Variants in UST observed in about 807,000 individuals in gnomAD.
The protein encoded by UST is uronyl 2-sulfotransferase.
A neutral mutation model predicts 45.6 loss-of-function variants in UST; 21 were observed. The observed-to-expected ratio is 0.46, with a 90% confidence interval of 0.33 to 0.66. The LOEUF is 0.66. Among genes scored for constraint, UST ranks in the 30% least tolerant of loss-of-function variants. The pLI is 0.02. For missense variants in UST, 463 were observed against 512.4 expected (o/e 0.90, Z 0.93); for synonymous variants, 215 against 200.6 (o/e 1.07, Z -0.61).
At chr6:149,061,885 T>C (rs146665859) in intron 7 of UST, among the ~76,000 whole-genome samples, 1 of 152,266 alleles carries the variant, frequency 6.6e-6, no homozygotes, top group African/African-American at 2.4e-5. Flanking sequence ...TAAAACACTT[T>C]CATTTTGCTA....
chr6:148,915,280 G>A (rs370259655), intron 2 of UST, among the ~76,000 whole-genome samples: 43 of 152,222 alleles, frequency 2.8e-4, no homozygotes, highest in African/African-American at 9.6e-4. Context: ...TCTAAAGATA[G>A]GCACCTCTGA....
At chr6:148,947,070 A>C (rs1227298042) in intron 3 of UST, among the ~76,000 whole-genome samples, 2 of 152,014 alleles carry the variant, frequency 1.3e-5, no homozygotes, top group African/African-American at 4.8e-5. Flanking sequence ...AATATAGTGT[A>C]AATTAAGAAT....
intron 2 of UST, among the ~76,000 whole-genome samples, chr6:148,904,635 T>C (rs1422362230): frequency 1.3e-5 from 2 of 152,144 alleles, no homozygotes; most frequent in African/African-American, 2.4e-5. Context: ...GCGATTCTCC[T>C]GCCTCAGCCT....
intron 2 of UST, among the ~76,000 whole-genome samples, chr6:148,905,475 C>A (rs1193243556): frequency 6.6e-6 from 1 of 152,226 alleles, no homozygotes; most frequent in African/African-American, 2.4e-5. Context: ...TAGGGTAGAG[C>A]AAAACCAGCT....
At chr6:148,862,251 A>C (rs1778332854) in intron 1 of UST, among the ~76,000 whole-genome samples, 1 of 147,898 alleles carries the variant, frequency 6.8e-6, no homozygotes, top group Non-Finnish European at 1.5e-5. Context: ...CCATTATGTA[A>C]TGGCCTTCTT....
chr6:149,063,441 A>G (rs1048511060), intron 7 of UST, among the ~76,000 whole-genome samples: 2 of 152,190 alleles, frequency 1.3e-5, no homozygotes, highest in Non-Finnish European at 2.9e-5. Flanking sequence ...CTTTTTGCCA[A>G]AAAGTATTGA....
intron 1 of UST, among the ~76,000 whole-genome samples, chr6:148,858,374 A>T (rs1778244205): frequency 1.3e-5 from 2 of 152,120 alleles, no homozygotes; most frequent in Non-Finnish European, 2.9e-5. Flanking sequence ...AGCATGGGAG[A>T]AAGATGGAGA....
chr6:148,941,020 G>C (rs1177513450), intron 2 of UST, among the ~76,000 whole-genome samples: 1 of 152,172 alleles, frequency 6.6e-6, no homozygotes, highest in East Asian at 1.9e-4. Context: ...AAACAAGTTT[G>C]ATAATCAATC....
chr6:148,824,206 G>C (rs955564694), intron 1 of UST, among the ~76,000 whole-genome samples: 1 of 152,218 alleles, frequency 6.6e-6, no homozygotes, highest in Non-Finnish European at 1.5e-5. Context: ...TGTTGAAGAA[G>C]CATGCTCAGA....
At chr6:148,884,389 A>C (rs1329409056) in intron 1 of UST, among the ~76,000 whole-genome samples, 1 of 152,002 alleles carries the variant, frequency 6.6e-6, no homozygotes, top group Non-Finnish European at 1.5e-5. Context: ...AAGACGGTAA[A>C]CAAGTAAATG....
intron 2 of UST, among the ~76,000 whole-genome samples, chr6:148,919,639 A>G (rs1454898072): frequency 6.6e-6 from 1 of 152,258 alleles, no homozygotes; most frequent in Non-Finnish European, 1.5e-5. Context: ...AAAAGTTTTC[A>G]AAATAGTTTG....
chr6:148,878,435 TGGGGGATCGTGTATGAGTG>T (rs1778752601), intron 1 of UST, among the ~76,000 whole-genome samples: 2 of 28,084 alleles, frequency 7.1e-5, no homozygotes, highest in Non-Finnish European at 1.4e-4. Flanking sequence ...TGTATGAGTG[TGGGGGATCGTGTATGAGTG>T]GGGTGTCGTG....
intron 5 of UST, among the ~76,000 whole-genome samples, chr6:148,976,826 T>G (rs1263027343): frequency 6.6e-6 from 1 of 152,216 alleles, no homozygotes; most frequent in African/African-American, 2.4e-5. Flanking sequence ...CTTTTAACTT[T>G]CTTTGTGATG....
intron 2 of UST, among the ~76,000 whole-genome samples, chr6:148,903,091 A>G (rs1229798494): frequency 6.6e-6 from 1 of 152,068 alleles, no homozygotes; most frequent in African/African-American, 2.4e-5. Flanking sequence ...ATGTCATGTT[A>G]CTGAACTTTT....
chr6:149,005,773 A>T (rs927581798), intron 5 of UST, among the ~76,000 whole-genome samples: 15 of 152,198 alleles, frequency 9.9e-5, no homozygotes, highest in African/African-American at 3.6e-4. Context: ...CCTAGCTGAG[A>T]GCCATGTTTG....
chr6:148,837,322 C>T (rs185269418), intron 1 of UST, among the ~76,000 whole-genome samples: 4 of 152,278 alleles, frequency 2.6e-5, no homozygotes, highest in African/African-American at 9.6e-5. Context: ...TGGGACAAAG[C>T]CTACTCCATG....
In UST at chr6:148,965,948, G is replaced by A. The variant is rs908850711; in HGVS notation, c.681+1385G>A. On this transcript the variant is annotated intron_variant, in intron 5 of 7. Coordinates refer to ENST00000367463, the MANE Select transcript of UST (RefSeq NM_005715.3). ...ATTTCTTTATAGGTTATGAGGCCGG[G>A]CGCAGTGGCTCACGCCTGTAATCCC... Among the ~76,000 whole-genome samples, 11 of 150,316 alleles carry A rather than the reference G, an allele frequency of 7.3e-5. 1 individual carries two copies. The East Asian group carries it at 1.8e-3, about 24-fold the overall frequency.
At chr6:148,825,571 G>A (rs899959518) in intron 1 of UST, among the ~76,000 whole-genome samples, 9 of 152,204 alleles carry the variant, frequency 5.9e-5, no homozygotes, top group Admixed American at 5.9e-4. Flanking sequence ...GAGTTCACAA[G>A]CTATCTGAAA....
chr6:148,977,292 TAG>T lies in UST; in HGVS notation c.681+12730_681+12731del, dbSNP rs1334512736. On this transcript the variant is annotated intron_variant, in intron 5 of 7. Coordinates refer to ENST00000367463, the MANE Select transcript of UST (RefSeq NM_005715.3). Reference sequence around the variant, plus strand: ...ACCTATTGTATAATTACATAATACATAGTTTTATTATGTAATATGCAATAGTA... The same window carrying T: ...ACCTATTGTATAATTACATAATACATTTTTATTATGTAATATGCAATAGTA... 4.0e-4 allele frequency among the ~76,000 whole-genome samples: 61 copies of T among 151,804 alleles called. 1 individual carries two copies. Among genetic ancestry groups the T allele is most frequent in the African/African-American group, 1.4e-3 (59 of 41,496 alleles).
Sources: allele counts gnomAD v4.1 joint callset (sites outside exome capture counted in the v4.1 genomes callset), GRCh38; gene constraint gnomAD v4.1.1; transcripts MANE v1.5; gene names NCBI Gene and HGNC (gene_info 2026-07-23, HGNC 2026-07-21).